GALNT14: variants seen among roughly 807,000 people sequenced by gnomAD.
The protein encoded by GALNT14 is polypeptide N-acetylgalactosaminyltransferase 14.
GALNT14 carries 60 observed loss-of-function variants against 77.5 expected under a neutral mutation model. That is an observed-to-expected ratio of 0.77 (90% CI 0.63 to 0.96). The LOEUF (loss-of-function observed/expected upper bound fraction) is 0.96, where lower values mean the gene tolerates loss of function less well. Ranked by LOEUF, GALNT14 falls within the 40% of genes least tolerant of loss-of-function variation. The pLI, the probability that GALNT14 is intolerant of heterozygous loss-of-function variation, is 0.00. For synonymous variants in GALNT14, 280 were observed against 281.7 expected (o/e 0.99, Z 0.06); for missense variants, 710 against 731.0 (o/e 0.97, Z 0.33).
At chr2:31,048,104 T>C (rs1230516811) in intron 1 of GALNT14, among the ~76,000 whole-genome samples, 1 of 152,110 alleles carries the variant, frequency 6.6e-6, no homozygotes, top group Admixed American at 6.5e-5. Context: ...CTCCTACCAC[T>C]CTGAGTGAAA....
At chr2:31,103,106 A>T (rs1381495083) in intron 1 of GALNT14, among the ~76,000 whole-genome samples, 2 of 152,064 alleles carry the variant, frequency 1.3e-5, no homozygotes, top group Non-Finnish European at 2.9e-5. Context: ...AGTTAAATTC[A>T]TTTATATTTA....
At chr2:31,098,735 C>T (rs1180040408) in intron 1 of GALNT14, among the ~76,000 whole-genome samples, 1 of 152,060 alleles carries the variant, frequency 6.6e-6, no homozygotes, top group African/African-American at 2.4e-5. Context: ...CACCAGAAGA[C>T]TTACCAATAA....
At chr2:30,920,231 T>C (rs1328640819) in intron 13 of GALNT14, among the ~76,000 whole-genome samples, 1 of 152,216 alleles carries the variant, frequency 6.6e-6, no homozygotes, top group Non-Finnish European at 1.5e-5. Flanking sequence ...TGACTTTGGG[T>C]AACCTCTCCA....
At chr2:30,950,952 G>A (rs886353900) in intron 6 of GALNT14, among the ~76,000 whole-genome samples, 3 of 152,210 alleles carry the variant, frequency 2.0e-5, no homozygotes, top group African/African-American at 7.2e-5. Flanking sequence ...TTCATTAAGT[G>A]CCCAAAGAAA....
chr2:31,033,992 C>G (rs1250095192), intron 1 of GALNT14, among the ~76,000 whole-genome samples: 1 of 152,214 alleles, frequency 6.6e-6, no homozygotes, highest in African/African-American at 2.4e-5. Context: ...TTAAACCATA[C>G]AAAATCCTCT....
chr2:31,104,013 C>A (rs78097415), intron 1 of GALNT14, among the ~76,000 whole-genome samples: 1 of 152,188 alleles, frequency 6.6e-6, no homozygotes, highest in Non-Finnish European at 1.5e-5. Flanking sequence ...GGATATAAAT[C>A]GTTGGCTCAC....
chr2:31,021,399 G>A (rs1671709349), intron 1 of GALNT14, among the ~76,000 whole-genome samples: 1 of 151,844 alleles, frequency 6.6e-6, no homozygotes, highest in Non-Finnish European at 1.5e-5. Context: ...CCGCCTCCTG[G>A]GTTCAAGCAA....
At chr2:30,967,787 T>G (rs1668103372) in intron 2 of GALNT14, among the ~76,000 whole-genome samples, 1 of 152,162 alleles carries the variant, frequency 6.6e-6, no homozygotes, top group South Asian at 2.1e-4. Flanking sequence ...ACCACATAGC[T>G]CTGCCAAAGC....
intron 13 of GALNT14, among the ~76,000 whole-genome samples, chr2:30,917,815 C>G (rs1664773620): frequency 6.6e-6 from 1 of 152,218 alleles, no homozygotes; most frequent in Admixed American, 6.5e-5. Flanking sequence ...GAGGTGAGAC[C>G]TGAGCCAAGT....
chr2:30,889,174 A>C, the GALNT14 span, among the ~76,000 whole-genome samples: 1 of 152,216 alleles, frequency 6.6e-6, no homozygotes, highest in Non-Finnish European at 1.5e-5. Flanking sequence ...ACTGTGCAGC[A>C]CGACCAAAAT....
rs139598182 is a variant in GALNT14, at chr2:30,955,496, G to C, written c.654+122C>G. 5.5e-4 allele frequency: 735 copies of C among 1,331,366 alleles called. 2 individuals are homozygous for C. In the African/African-American group the frequency reaches 9.7e-3, roughly 18 times the overall value. 82.5% of individuals were successfully genotyped at this position (1,331,366 alleles called of 1,614,324 possible). A position where few individuals can be genotyped will look rare whatever the true frequency, so the allele number is the denominator to read the frequency against. Reference sequence around the variant, plus strand: ...TTCCTTCATCAATAAAATCGGGACTGCGATCTGTTCTGCCCACCTCCCAGA... The same window carrying C: ...TTCCTTCATCAATAAAATCGGGACTCCGATCTGTTCTGCCCACCTCCCAGA... On this transcript the variant is annotated intron_variant, in intron 6 of 14. Coordinates refer to ENST00000349752, the MANE Select transcript of GALNT14 (RefSeq NM_024572.4).
At chr2:30,915,271 G>A (rs1388110314) in intron 13 of GALNT14, among the ~76,000 whole-genome samples, 2 of 152,124 alleles carry the variant, frequency 1.3e-5, no homozygotes. Context: ...ATGCCTTTCA[G>A]GAAGAAATGC....
In GALNT14 at chr2:31,036,461, G is replaced by T. The variant is rs185134018; in HGVS notation, c.130-43454C>A. Reference sequence around the variant, plus strand: ...ACTGTCATACAAATTATGTCTTCATGCATTATAAGCCTATCAACACAGTTT... The same window carrying T: ...ACTGTCATACAAATTATGTCTTCATTCATTATAAGCCTATCAACACAGTTT... On this transcript the variant is annotated intron_variant, in intron 1 of 14. Coordinates refer to ENST00000349752, the MANE Select transcript of GALNT14 (RefSeq NM_024572.4). 7.2e-5 allele frequency among the ~76,000 whole-genome samples: 11 copies of T among 152,206 alleles called. No individual in the cohort carries two copies. In the East Asian group the frequency reaches 1.7e-3, roughly 24 times the overall value.
At chr2:30,953,223 T>A (rs1221811819) in intron 6 of GALNT14, among the ~76,000 whole-genome samples, 1 of 152,060 alleles carries the variant, frequency 6.6e-6, no homozygotes, top group African/African-American at 2.4e-5. Context: ...AGGTTCCTGC[T>A]GCGGAGTAGA....
chr2:30,942,698 A>G (rs1666452783), intron 8 of GALNT14, among the ~76,000 whole-genome samples: 1 of 152,146 alleles, frequency 6.6e-6, no homozygotes, highest in South Asian at 2.1e-4. Flanking sequence ...TGTTACTGGG[A>G]GAAGGGACAG....
Position 30,945,865 on chromosome 2 carries a change from G to A in GALNT14, c.660C>T (p.Tyr220=). 6.2e-7 allele frequency: 1 copy of A among 1,614,028 alleles called. No homozygotes were observed. The highest frequency in any genetic ancestry group is 8.5e-7 in the Non-Finnish European group (1 of 1,179,870). Residue 220 remains tyrosine (Y), a synonymous_variant, in exon 7 of 15, where the codon TAC becomes TAT. Transcript: ENST00000349752. ...QPLLHRVKED[Y]TRVVCPVIDI... ...CGATCACAGGGCACACCACCCGCGT[G>A]TAGTCCTGTAAGACAACAGACCCGC...
At chr2:30,894,073 C>T in the GALNT14 span, among the ~76,000 whole-genome samples, 4 of 151,942 alleles carry the variant, frequency 2.6e-5, no homozygotes, top group Non-Finnish European at 4.4e-5. Flanking sequence ...AGAAGAGGGG[C>T]CTGGAATCTG....
At chr2:31,046,329 C>A (rs940743348) in intron 1 of GALNT14, among the ~76,000 whole-genome samples, 1 of 151,294 alleles carries the variant, frequency 6.6e-6, no homozygotes, top group African/African-American at 2.4e-5. Context: ...TGGGTTCAAG[C>A]GATTCTCCTG....
At chr2:31,094,266 T>C (rs147283367) in intron 1 of GALNT14, among the ~76,000 whole-genome samples, 5,628 of 152,270 alleles carry the variant, frequency 0.037, 319 homozygotes, top group African/African-American at 0.13. Context: ...CTTTGTGAGA[T>C]CCATCCCCTG....
Sources: allele counts gnomAD v4.1 joint callset (sites outside exome capture counted in the v4.1 genomes callset), GRCh38; gene constraint gnomAD v4.1.1; transcripts MANE v1.5; gene names NCBI Gene and HGNC (gene_info 2026-07-23, HGNC 2026-07-21).